Variants in TTLL7 observed in about 807,000 individuals in gnomAD.
TTLL7 encodes the protein tubulin tyrosine ligase like 7.
In TTLL7, 53 loss-of-function variants were observed where a neutral mutation model predicts 120.2. The observed-to-expected ratio is 0.44, with a 90% CI of 0.35 to 0.55. The LOEUF (loss-of-function observed/expected upper bound fraction) is 0.55. Among genes scored for constraint, TTLL7 ranks in the 20% least tolerant of loss-of-function variants. The probability of loss-of-function intolerance (pLI) is 0.00; values close to 1 mark genes in which losing one functional copy is unlikely to be tolerated. For missense variants in TTLL7, 803 were observed against 1,054.7 expected, an observed-to-expected ratio of 0.76 and a Z score of 3.31; for synonymous variants, 353 against 351.7, an observed-to-expected ratio of 1.00 and a Z score of -0.04.
intron 18 of TTLL7, among the ~76,000 whole-genome samples, chr1:83,899,671 C>T (rs1656549353): frequency 6.6e-6 from 1 of 151,840 alleles, no homozygotes; most frequent in African/African-American, 2.4e-5. Context: ...TACATCGTTA[C>T]ACAAATACAT....
At chr1:83,998,453 T>C (rs977070089) in intron 1 of TTLL7, among the ~76,000 whole-genome samples, 4 of 152,162 alleles carry the variant, frequency 2.6e-5, no homozygotes, top group African/African-American at 9.7e-5. Context: ...CAGAGCAAGA[T>C]GTGGAGAAAG....
At position 83,983,566 on chromosome 1, in the gene TTLL7, G is replaced by A. The variant is rs147728861; in HGVS notation, c.-177+15365C>T. On this transcript the variant is annotated intron_variant, in intron 1 of 20. Transcript: ENST00000260505. Reference sequence around the variant, plus strand: ...TAGCAAACACTGGCTTTGACAAAGAGTTTATGGCTAAGTGCCCAAATGCAA... The same window carrying A: ...TAGCAAACACTGGCTTTGACAAAGAATTTATGGCTAAGTGCCCAAATGCAA... 7.2e-3 allele frequency among the ~76,000 whole-genome samples: 1,099 copies of A among 152,188 alleles called. 20 individuals carry two copies. Among genetic ancestry groups the A allele is most frequent in the African/African-American group, 0.025 (1,052 of 41,534 alleles).
chr1:83,899,780 A>T (rs1323129018), intron 18 of TTLL7, among the ~76,000 whole-genome samples: 1 of 151,962 alleles, frequency 6.6e-6, no homozygotes, highest in East Asian at 1.9e-4. Context: ...AGCAGGGTAT[A>T]AAAATTGTAA....
chr1:83,994,900 G>T (rs1485835299), intron 1 of TTLL7, among the ~76,000 whole-genome samples: 3 of 152,306 alleles, frequency 2.0e-5, no homozygotes, highest in Non-Finnish European at 4.4e-5. Context: ...ACTGAAATTT[G>T]AAGGAGATAG....
chr1:83,885,986 T>C (rs1654942133), intron 19 of TTLL7, among the ~76,000 whole-genome samples: 1 of 152,034 alleles, frequency 6.6e-6, no homozygotes, highest in African/African-American at 2.4e-5. Context: ...GATTAAAAAG[T>C]TCTTTCTGGC....
At chr1:83,904,337 T>G (rs1657004933) in intron 17 of TTLL7, among the ~76,000 whole-genome samples, 178 bp from the exon 18 acceptor site, 2 of 152,104 alleles carry the variant, frequency 1.3e-5, no homozygotes, top group Non-Finnish European at 2.9e-5. Flanking sequence ...AGCTTTCTAT[T>G]CTAGTTGTAT....
chr1:83,880,523 T>G (rs1557527350), intron 20 of TTLL7, among the ~76,000 whole-genome samples: 1 of 152,028 alleles, frequency 6.6e-6, no homozygotes, highest in South Asian at 2.1e-4. Context: ...AATTTCTAGG[T>G]GTTTTTAACA....
intron 1 of TTLL7, chr1:83,979,535 A>T (rs1651782214): frequency 6.6e-6 from 1 of 152,228 alleles, no homozygotes; most frequent in South Asian, 2.1e-4. Context: ...ATTTTAGCAC[A>T]ATGCAGGCCC....
chr1:83,951,735 C>G, intron 3 of TTLL7, 110 bp downstream of exon 3: 1 of 1,229,366 alleles, frequency 8.1e-7, no homozygotes. Flanking sequence ...ATTTAAAAAT[C>G]CATTATATAA....
rs1655359799 is a variant in TTLL7 at position 83,890,312 on chromosome 1, A to G, written c.2369+9T>C. The G allele has an allele frequency of 1.2e-6, 2 of 1,603,636 alleles. No individual in the cohort carries two copies. The highest frequency in any genetic ancestry group is 1.4e-5 in the African/African-American group (1 of 74,058). The stretch of plus-strand genomic sequence containing the variant: ...AAATGACGATAATAAAAGATGACTT[A>G]GAGCTTACCCTGAATCACAGAAACA... On this transcript the variant is annotated intron_variant, in intron 19 of 20. Transcript: ENST00000260505.
chr1:83,874,427 T>C (rs1653723538), intron 20 of TTLL7, among the ~76,000 whole-genome samples: 1 of 152,110 alleles, frequency 6.6e-6, no homozygotes, highest in African/African-American at 2.4e-5. Context: ...ATAATGCTTC[T>C]GTGAACATTG....
intron 1 of TTLL7, among the ~76,000 whole-genome samples, chr1:83,990,150 ACTT>A (rs948229743): frequency 1.3e-4 from 19 of 141,194 alleles, no homozygotes; most frequent in Admixed American, 4.2e-4. Context: ...AGATGATTTG[ACTT>A]CTTATTTGGA....
rs778242384 is a variant in TTLL7 at position 83,921,312 on chromosome 1, G to A, written c.1225C>T (p.Leu409Phe). The A allele has an allele frequency of 6.8e-6, 11 of 1,613,038 alleles. No individual in the cohort carries two copies. Among genetic ancestry groups the A allele is most frequent in the African/African-American group, 1.3e-5 (1 of 74,980 alleles). Reference protein sequence around the residue: ...RLYGQNSIKRLLPGSSDWEQQ... With the variant: ...RLYGQNSIKRFLPGSSDWEQQ... ...TCCCAGTCTGAGGAGCCTGGTAAGA[G>A]CCTTTTAATTGAATTTTGACCATAG... is the stretch of plus-strand genomic sequence containing the variant. The change falls in exon 11 of 21, where the codon CTC becomes TTC. Residue 409 changes from leucine to phenylalanine, a missense_variant. Transcript: ENST00000260505.
At chr1:83,937,108 A>G (rs370470029) in intron 8 of TTLL7, among the ~76,000 whole-genome samples, 1 of 152,208 alleles carries the variant, frequency 6.6e-6, no homozygotes, top group Non-Finnish European at 1.5e-5. Flanking sequence ...CAGAGGTCAC[A>G]TAAGATTATA....
At chr1:83,988,333 A>G (rs540646579) in intron 1 of TTLL7, among the ~76,000 whole-genome samples, 20 of 152,224 alleles carry the variant, frequency 1.3e-4, no homozygotes, top group Non-Finnish European at 2.2e-4. Flanking sequence ...TAGTGCTGCA[A>G]TGAACATATT....
In TTLL7 at chr1:83,925,891, G is replaced by A. The variant is rs548119037; in HGVS notation, c.1142+3245C>T. On this transcript the variant is annotated intron_variant, in intron 10 of 20. Transcript: ENST00000260505. Reference sequence around the variant, plus strand: ...AATCTCAGCACTTTGGGAGGCCGAGGCGGTGGATCACCTGAGGTCAGGAGT... The same window carrying A: ...AATCTCAGCACTTTGGGAGGCCGAGACGGTGGATCACCTGAGGTCAGGAGT... 2.0e-5 allele frequency among the ~76,000 whole-genome samples: 3 copies of A among 152,126 alleles called. No homozygotes were observed. In the East Asian group the frequency reaches 5.8e-4, roughly 29 times the overall value.
At position 83,998,980 on chromosome 1, in the gene TTLL7, T is replaced by C; in HGVS notation, c.-226A>G. On this transcript the variant is annotated 5_prime_UTR_variant, in exon 1 of 21. Coordinates refer to ENST00000260505, the MANE Select transcript of TTLL7 (RefSeq NM_024686.6). ...GTCCTCGCGTCCCCGCTGCAAGCGG[T>C]CCCCCAGGTGCTCCCGCGCCTCGCA... is the stretch of plus-strand genomic sequence containing the variant. 2.3e-6 allele frequency: 1 copy of C among 438,968 alleles called. No individual in the cohort carries two copies. Among genetic ancestry groups the C allele is most frequent in the Admixed American group, 2.4e-5 (1 of 41,022 alleles). The allele number at this position is 438,968 out of a possible 1,614,324, so 27.2% of individuals were successfully genotyped here.
At chr1:83,884,154 G>A (rs182358529) in intron 19 of TTLL7, among the ~76,000 whole-genome samples, 4,409 of 149,654 alleles carry the variant, frequency 0.029, 98 homozygotes, top group Middle Eastern at 0.092. Flanking sequence ...GAGAGAGAGA[G>A]AGGGAGAGAG....
chr1:83,905,689 C>G (rs1198951542), intron 17 of TTLL7, among the ~76,000 whole-genome samples: 1 of 151,816 alleles, frequency 6.6e-6, no homozygotes, highest in Non-Finnish European at 1.5e-5. Context: ...GAAATGTAAC[C>G]TTGCATGAAG....
Sources: allele counts gnomAD v4.1 joint callset (sites outside exome capture counted in the v4.1 genomes callset), GRCh38; gene constraint gnomAD v4.1.1; transcripts MANE v1.5; gene names NCBI Gene and HGNC (gene_info 2026-07-23, HGNC 2026-07-21).